RAI1: variants seen among roughly 807,000 people sequenced by gnomAD.
RAI1 encodes retinoic acid-induced protein 1.
A neutral mutation model predicts 123.8 loss-of-function variants in RAI1; 9 were observed. The observed-to-expected ratio is 0.07, with a 90% CI of 0.04 to 0.13. RAI1 has a LOEUF of 0.13. RAI1 is among the 10% of genes least tolerant of loss of function. The pLI is 1.00. For missense variants in RAI1, 2,256 were observed against 2,545.8 expected (o/e 0.89, Z 2.45); for synonymous variants, 1,231 against 1,127.3 (o/e 1.09, Z -1.84).
chr17:17,688,339 T>C, intron 1 of RAI1, among the ~76,000 whole-genome samples: 2 of 151,320 alleles, frequency 1.3e-5, no homozygotes, highest in African/African-American at 2.4e-5. Flanking sequence ...CAAAAATTAG[T>C]CAGGCGTAGT....
chr17:17,748,720 CGGT>C (rs2030027487), intron 2 of RAI1, among the ~76,000 whole-genome samples: 1 of 152,136 alleles, frequency 6.6e-6, no homozygotes, highest in Non-Finnish European at 1.5e-5. Flanking sequence ...ACGCGTATGT[CGGT>C]GGGGCACTGT....
intron 1 of RAI1, among the ~76,000 whole-genome samples, chr17:17,719,178 C>T (rs569639778): frequency 1.3e-5 from 2 of 152,188 alleles, no homozygotes; most frequent in Non-Finnish European, 2.9e-5. Context: ...GAAACTCTGA[C>T]CACCCAAGGG....
chr17:17,692,879 TAA>T (rs1411766368), intron 1 of RAI1, among the ~76,000 whole-genome samples: 1 of 152,046 alleles, frequency 6.6e-6, no homozygotes, highest in African/African-American at 2.4e-5. Context: ...CAGGGTGCAA[TAA>T]AAGAGTCCTA....
Position 17,800,184 on chromosome 17 carries a change from C to CTCTCTGTCTCTG in RAI1, c.5565+1676_5565+1677insGTCTCTGTCTCT, listed in dbSNP as rs1444757863. ...TCCTGCTTTCTGTCTCTCTCTGTCT[C>CTCTCTGTCTCTG]TCTCTCTCTCTCTCTCTCTCTCTCT... On this transcript the variant is annotated intron_variant, in intron 3 of 5. Transcript: ENST00000353383. The surrounding 1 kb of genome is among the most constrained non-coding windows in gnomAD (Gnocchi z 4.7). Among the ~76,000 whole-genome samples the CTCTCTGTCTCTG allele has an allele frequency of 4.9e-5, 2 of 41,110 alleles. No individual in the cohort carries two copies. Among genetic ancestry groups the CTCTCTGTCTCTG allele is most frequent in the Middle Eastern group, 9.4e-3 (1 of 106 alleles). 27.0% of individuals were successfully genotyped at this position (41,110 alleles called of 152,430 possible).
At chr17:17,782,755 G>C (rs970653144) in intron 2 of RAI1, among the ~76,000 whole-genome samples, 2 of 152,010 alleles carry the variant, frequency 1.3e-5, no homozygotes, top group African/African-American at 4.8e-5. Flanking sequence ...CCGGCGAGCC[G>C]GGCGCACCTC....
intron 2 of RAI1, among the ~76,000 whole-genome samples, chr17:17,727,645 G>GT (rs1218513726): frequency 6.6e-6 from 1 of 152,238 alleles, no homozygotes; most frequent in Non-Finnish European, 1.5e-5. Context: ...AGCAGATGCA[G>GT]TGAGGGGGTG....
intron 1 of RAI1, among the ~76,000 whole-genome samples, chr17:17,698,671 A>T (rs762907860): frequency 1.3e-5 from 2 of 152,188 alleles, no homozygotes; most frequent in Non-Finnish European, 2.9e-5. Flanking sequence ...CTGTGGAGGC[A>T]TTGAGGCCCC....
intron 4 of RAI1, among the ~76,000 whole-genome samples, chr17:17,808,409 ATTTTATTATT>A (rs1357605497): frequency 0.026 from 2,627 of 101,888 alleles, 81 homozygotes; most frequent in African/African-American, 0.1. Flanking sequence ...ATTTTATTTT[ATTTTATTATT>A]TTATTTTATT....
chr17:17,730,699 G>A (rs551150852), intron 2 of RAI1, among the ~76,000 whole-genome samples: 60 of 152,356 alleles, frequency 3.9e-4, no homozygotes, highest in Non-Finnish European at 7.4e-4. Context: ...CCAGAGGGGA[G>A]CTCCCCTGCC....
chr17:17,727,841 C>G (rs1185710262), intron 2 of RAI1, among the ~76,000 whole-genome samples: 2 of 152,116 alleles, frequency 1.3e-5, no homozygotes, highest in Admixed American at 6.6e-5. Flanking sequence ...AGATTCACCC[C>G]AGGAGACCCC....
intron 1 of RAI1, among the ~76,000 whole-genome samples, chr17:17,701,658 G>A (rs1567831975): frequency 6.6e-6 from 1 of 152,046 alleles, no homozygotes; most frequent in South Asian, 2.1e-4. Context: ...GCAGTGGTGC[G>A]ATCATGGCTC....
At chr17:17,798,840 A>G (rs1338813245) in intron 3 of RAI1, among the ~76,000 whole-genome samples, 1 of 152,144 alleles carries the variant, frequency 6.6e-6, no homozygotes, top group Non-Finnish European at 1.5e-5. Context: ...CCATGCTGTC[A>G]CCGGAGATGC....
chr17:17,773,904 TATA>T (rs1293330192), intron 2 of RAI1, among the ~76,000 whole-genome samples: 1 of 152,148 alleles, frequency 6.6e-6, no homozygotes, highest in Non-Finnish European at 1.5e-5. Context: ...ATCACGTAAT[TATA>T]ATGTCTATAT....
chr17:17,725,595 C>A lies in RAI1; in HGVS notation c.-17+1436C>A, dbSNP rs536026445. On this transcript the variant is annotated intron_variant, in intron 2 of 5. Transcript: ENST00000353383. ...GCAGAAGCCCCCAGATTATTTTGCT[C>A]CATCGGGGGATGCAGAGGAAGGGGA... is the stretch of plus-strand genomic sequence containing the variant. Among the ~76,000 whole-genome samples, 3 of 152,244 alleles carry A rather than the reference C, an allele frequency of 2.0e-5. No homozygotes were observed. In the East Asian group the frequency reaches 5.8e-4, roughly 29 times the overall value.
intron 1 of RAI1, among the ~76,000 whole-genome samples, chr17:17,718,485 A>G (rs1181009458): frequency 6.6e-6 from 1 of 152,104 alleles, no homozygotes; most frequent in African/African-American, 2.4e-5. Context: ...ATGGGGAGAA[A>G]AGGGAACAGG....
chr17:17,703,893 A>C (rs1598022491), intron 1 of RAI1, among the ~76,000 whole-genome samples: 1 of 152,160 alleles, frequency 6.6e-6, no homozygotes, highest in African/African-American at 2.4e-5. Flanking sequence ...AGAGGGCCCA[A>C]GTCCTTGTCT....
chr17:17,684,402 A>C (rs965098539), intron 1 of RAI1: 1 of 151,768 alleles, frequency 6.6e-6, no homozygotes, highest in Non-Finnish European at 1.5e-5. Context: ...TTAATTTTGC[A>C]ATCCACTGAT....
At chr17:17,776,057 C>T (rs575822020) in intron 2 of RAI1, among the ~76,000 whole-genome samples, 1 of 152,348 alleles carries the variant, frequency 6.6e-6, no homozygotes, top group South Asian at 2.1e-4. Flanking sequence ...GGTTCTCCTT[C>T]CCCTCTTGGG....
Position 17,809,597 on chromosome 17 carries a change from C to G in RAI1, c.5709+158C>G, listed in dbSNP as rs1365263102. On this transcript the variant is annotated intron_variant, in intron 5 of 5. Coordinates refer to ENST00000353383, the MANE Select transcript of RAI1 (RefSeq NM_030665.4). The surrounding 1 kb of genome is among the most constrained non-coding windows in gnomAD (Gnocchi z 4.9). ...TCTCCCCGCCCACCCCCAGGAGCCCCCGCCGCCGTCCAGCTCAGGTCCCTG... is the reference window on the plus strand; with the variant it reads ...TCTCCCCGCCCACCCCCAGGAGCCCGCGCCGCCGTCCAGCTCAGGTCCCTG... Among the ~76,000 whole-genome samples, 3 of 152,038 alleles carry G rather than the reference C, an allele frequency of 2.0e-5. No homozygotes were observed. In the East Asian group the frequency reaches 5.8e-4, roughly 29 times the overall value.
Sources: allele counts gnomAD v4.1 joint callset (sites outside exome capture counted in the v4.1 genomes callset), GRCh38; gene constraint gnomAD v4.1.1; non-coding constraint Gnocchi (gnomAD v3.1); transcripts MANE v1.5; gene names NCBI Gene and HGNC (gene_info 2026-07-23, HGNC 2026-07-21).